The following KCNH8 variants were observed in gnomAD, a reference collection of about 807,000 sequenced individuals.
The protein encoded by KCNH8 is voltage-gated delayed rectifier potassium channel KCNH8.
In KCNH8, 70 loss-of-function variants were observed where a neutral mutation model predicts 103.6. The observed-to-expected ratio is 0.68, with a 90% CI of 0.56 to 0.82. The LOEUF is 0.82. Ranked by LOEUF, KCNH8 falls within the 40% of genes least tolerant of loss-of-function variation. The probability of loss-of-function intolerance (pLI) is 0.00; values close to 1 mark genes in which losing one functional copy is unlikely to be tolerated. For missense variants in KCNH8, 1,217 were observed against 1,329.9 expected, an observed-to-expected ratio of 0.92 and a Z score of 1.32; for synonymous variants, 498 against 489.4, an observed-to-expected ratio of 1.02 and a Z score of -0.23.
At chr3:19,506,965 C>G (rs1426868081) in intron 11 of KCNH8, among the ~76,000 whole-genome samples, 3 of 152,156 alleles carry the variant, frequency 2.0e-5, no homozygotes, top group Non-Finnish European at 4.4e-5. Context: ...CTTCCCCAGT[C>G]CGAGGGCAGC....
At chr3:19,455,901 T>C (rs549294224) in intron 10 of KCNH8, among the ~76,000 whole-genome samples, 1 of 152,208 alleles carries the variant, frequency 6.6e-6, no homozygotes, top group Admixed American at 6.6e-5. Flanking sequence ...GACTGCATCA[T>C]GATAAATTCT....
At chr3:19,292,487 A>G (rs1223373331) in intron 3 of KCNH8, among the ~76,000 whole-genome samples, 1 of 152,222 alleles carries the variant, frequency 6.6e-6, no homozygotes, top group Non-Finnish European at 1.5e-5. Context: ...TTCAGAAGAA[A>G]TAAAATAATA....
At position 19,352,865 on chromosome 3, in the gene KCNH8, G is replaced by A. The variant is rs1016078016; in HGVS notation, c.811+4900G>A. Among the ~76,000 whole-genome samples, 154 of 152,034 alleles carry A rather than the reference G, an allele frequency of 1.0e-3. 1 individual carries two copies. Among genetic ancestry groups the A allele is most frequent in the Admixed American group, 0.01 (153 of 15,250 alleles). Reference sequence around the variant, plus strand: ...AAACACATTCAAAAGCTAGCAGATGGCAAGAAATAACTAAAATCAGAGCAG... The same window carrying A: ...AAACACATTCAAAAGCTAGCAGATGACAAGAAATAACTAAAATCAGAGCAG... On this transcript the variant is annotated intron_variant, in intron 5 of 15. Transcript: ENST00000328405.
chr3:19,480,883 T>C (rs2068073876), intron 11 of KCNH8, among the ~76,000 whole-genome samples: 1 of 152,210 alleles, frequency 6.6e-6, no homozygotes, highest in South Asian at 2.1e-4. Flanking sequence ...TCCCACTGTA[T>C]TCACAAAGTG....
At chr3:19,162,299 G>A (rs1242607056) in intron 1 of KCNH8, among the ~76,000 whole-genome samples, 1 of 150,858 alleles carries the variant, frequency 6.6e-6, no homozygotes, top group Non-Finnish European at 1.5e-5. Context: ...ATCACTTGAG[G>A]CCAGGAGTTC....
intron 1 of KCNH8, among the ~76,000 whole-genome samples, chr3:19,236,774 C>T (rs2064071833): frequency 6.6e-6 from 1 of 151,988 alleles, no homozygotes; most frequent in East Asian, 1.9e-4. Flanking sequence ...AAAAAAAAAG[C>T]CAAAGGAGTA....
intron 1 of KCNH8, among the ~76,000 whole-genome samples, chr3:19,208,746 A>G (rs2063740414): frequency 6.6e-6 from 1 of 151,978 alleles, no homozygotes; most frequent in South Asian, 2.1e-4. Flanking sequence ...TAAGAAAGCC[A>G]AAAGAGACTT....
intron 11 of KCNH8, among the ~76,000 whole-genome samples, chr3:19,507,671 G>A (rs762694542): frequency 2.0e-5 from 3 of 152,142 alleles, no homozygotes; most frequent in Non-Finnish European, 4.4e-5. Flanking sequence ...AGGTCACAAG[G>A]GCCTCCCAGT....
chr3:19,291,560 G>C (rs569770270), intron 3 of KCNH8, among the ~76,000 whole-genome samples: 2 of 152,320 alleles, frequency 1.3e-5, no homozygotes, highest in African/African-American at 4.8e-5. Context: ...GGTTTTGAGT[G>C]AGTTTCTTAA....
chr3:19,284,509 GT>G lies in KCNH8; in HGVS notation c.442+3181del, dbSNP rs2064801367. Among the ~76,000 whole-genome samples, 11 of 12,154 alleles carry G rather than the reference GT, an allele frequency of 9.1e-4. No homozygotes were observed. In the East Asian group the frequency reaches 0.017, roughly 19 times the overall value. 8.0% of individuals were successfully genotyped at this position (12,154 alleles called of 152,430 possible). On this transcript the variant is annotated intron_variant, in intron 3 of 15. Transcript: ENST00000328405. The stretch of plus-strand genomic sequence containing the variant: ...TAGCTTTCAGCTGGTGGATCTGCTG[GT>G]GTGTGTGTGTGTGTGTGTGTGTGTG...
chr3:19,488,339 C>G (rs890117773), intron 11 of KCNH8, among the ~76,000 whole-genome samples: 1 of 152,222 alleles, frequency 6.6e-6, no homozygotes, highest in East Asian at 1.9e-4. Context: ...TCCGCCTGGC[C>G]TGGTGTTCGG....
intron 11 of KCNH8, among the ~76,000 whole-genome samples, chr3:19,473,849 T>C (rs532401189): frequency 6.6e-6 from 1 of 152,308 alleles, no homozygotes; most frequent in South Asian, 2.1e-4. Flanking sequence ...TAGATTTTCA[T>C]TCACATTTTT....
At chr3:19,366,673 AAAAAT>A (rs975995754) in intron 5 of KCNH8, among the ~76,000 whole-genome samples, 22 of 152,024 alleles carry the variant, frequency 1.4e-4, no homozygotes, top group Non-Finnish European at 2.8e-4. Flanking sequence ...TAAAGTATAA[AAAAAT>A]AAAATAAAAT....
chr3:19,357,199 C>A (rs375678275), intron 5 of KCNH8, among the ~76,000 whole-genome samples: 123 of 74,318 alleles, frequency 1.7e-3, no homozygotes, highest in South Asian at 6.7e-3. Flanking sequence ...GGAAATAATT[C>A]TTTTCCCTGA....
chr3:19,491,030 G>A (rs753112149), intron 11 of KCNH8, among the ~76,000 whole-genome samples: 15 of 152,172 alleles, frequency 9.9e-5, no homozygotes, highest in Non-Finnish European at 1.6e-4. Context: ...TTGGTATGAA[G>A]TGTTAATCAT....
At chr3:19,234,418 A>C (rs905673851) in intron 1 of KCNH8, among the ~76,000 whole-genome samples, 3 of 152,184 alleles carry the variant, frequency 2.0e-5, no homozygotes, top group Non-Finnish European at 4.4e-5. Flanking sequence ...GCAGGTCCCG[A>C]GCCCTGCCCC....
Position 19,419,194 on chromosome 3 carries a change from G to GTTTTTTTTTTTTT in KCNH8, c.1178-18970_1178-18969insTTTTTTTTTTTTT, listed in dbSNP as rs1491504046. Among the ~76,000 whole-genome samples, 5 of 64,118 alleles carry GTTTTTTTTTTTTT rather than the reference G, an allele frequency of 7.8e-5. 1 individual carries two copies. The highest frequency in any genetic ancestry group is 6.8e-4 in the South Asian group (1 of 1,462). 42.1% of individuals were successfully genotyped at this position (64,118 alleles called of 152,430 possible). A position where few individuals can be genotyped will look rare whatever the true frequency, so the allele number is the denominator to read the frequency against. ...AAAAAGAAGTAATTAAAATGGTTTT[G>GTTTTTTTTTTTTT]GTTTTTTTTTTTTTTTTTTTTTTGA... On this transcript the variant is annotated intron_variant, in intron 7 of 15. Transcript: ENST00000328405.
rs537806631 is a variant in KCNH8 at position 19,503,786 on chromosome 3, G to A, written c.2041-6577G>A. On this transcript the variant is annotated intron_variant, in intron 11 of 15. Transcript: ENST00000328405. ...CACTCTGGGGACTATTGTGGGGTAG[G>A]GGGAGGGGGGAGGGATAGCATTAGG... 2.3e-4 allele frequency among the ~76,000 whole-genome samples: 34 copies of A among 150,136 alleles called. 1 individual carries two copies. The South Asian group carries it at 5.2e-3, about 23-fold the overall frequency.
At chr3:19,328,908 T>G (rs2065467771) in intron 3 of KCNH8, among the ~76,000 whole-genome samples, 1 of 152,156 alleles carries the variant, frequency 6.6e-6, no homozygotes. Flanking sequence ...ATTTCTTTAT[T>G]TATGTCCTTG....
Sources: allele counts gnomAD v4.1 joint callset (sites outside exome capture counted in the v4.1 genomes callset), GRCh38; gene constraint gnomAD v4.1.1; transcripts MANE v1.5; gene names NCBI Gene and HGNC (gene_info 2026-07-23, HGNC 2026-07-21).